The following RANBP17 variants were observed in gnomAD, a reference collection of about 807,000 sequenced individuals.
RANBP17 encodes RAN binding protein 17.
A neutral mutation model predicts 141.2 loss-of-function variants in RANBP17; 158 were observed. The observed-to-expected ratio is 1.12, with a 90% CI of 0.98 to 1.28. RANBP17 has a LOEUF of 1.28. Ranked by LOEUF, RANBP17 falls within the 50% of genes most tolerant of loss-of-function variation. The pLI is 0.00. For synonymous variants in RANBP17, 430 were observed against 450.0 expected (o/e 0.96, Z 0.56); for missense variants, 1,438 against 1,290.7 (o/e 1.11, Z -1.75).
intron 16 of RANBP17, among the ~76,000 whole-genome samples, chr5:171,178,101 ATGG>A (rs1415350846): frequency 6.6e-6 from 1 of 151,322 alleles, no homozygotes; most frequent in African/African-American, 2.4e-5. Flanking sequence ...TACACATGCC[ATGG>A]TGGTTTGCTG....
chr5:171,152,137 A>G (rs757287839), intron 14 of RANBP17, among the ~76,000 whole-genome samples: 3 of 152,038 alleles, frequency 2.0e-5, no homozygotes, highest in African/African-American at 7.2e-5. Flanking sequence ...AGCTGGGCAC[A>G]GTAGCTCACT....
chr5:170,876,970 T>A (rs1768230868), intron 1 of RANBP17, among the ~76,000 whole-genome samples: 1 of 152,198 alleles, frequency 6.6e-6, no homozygotes, highest in South Asian at 2.1e-4. Context: ...GTGAGGTAAT[T>A]TGTTTTCAGA....
Position 170,968,235 on chromosome 5 carries a change from C to A in RANBP17, c.1575-7C>A. ...GAAGGTTTTTTTTTTATTTTCCCTT[C>A]ATGAAGAGTTTTTCAGCTTATATCT... On this transcript the variant is annotated splice_polypyrimidine_tract_variant and splice_region_variant and intron_variant, in intron 13 of 27. Coordinates refer to ENST00000523189, the MANE Select transcript of RANBP17 (RefSeq NM_022897.5). The A allele has an allele frequency of 6.5e-7, 1 of 1,539,964 alleles. No individual in the cohort carries two copies. The highest frequency in any genetic ancestry group is 8.7e-7 in the Non-Finnish European group (1 of 1,152,512).
At chr5:170,887,952 A>G (rs1769295244) in intron 3 of RANBP17, among the ~76,000 whole-genome samples, 1 of 152,222 alleles carries the variant, frequency 6.6e-6, no homozygotes, top group Admixed American at 6.5e-5. Context: ...CTCATCTCTT[A>G]AAGATCCTGC....
chr5:171,243,016 C>G, intron 24 of RANBP17, 196 bp downstream of exon 24: 2 of 589,830 alleles, frequency 3.4e-6, no homozygotes, highest in Non-Finnish European at 5.9e-6. Context: ...ATGTTTTAAT[C>G]AGCTTTACTG....
chr5:171,066,577 A>T (rs796367016), intron 14 of RANBP17, among the ~76,000 whole-genome samples: 21 of 152,274 alleles, frequency 1.4e-4, no homozygotes, highest in African/African-American at 5.1e-4. Flanking sequence ...CTGTTGTTGG[A>T]CACTTAGGTT....
rs531701058 is a variant in RANBP17, at chr5:170,997,653, G to A, written c.1710+29276G>A. Among the ~76,000 whole-genome samples, 23 of 152,238 alleles carry A rather than the reference G, an allele frequency of 1.5e-4. 1 individual carries two copies. Among genetic ancestry groups the A allele is most frequent in the South Asian group, 1.5e-3 (7 of 4,824 alleles). On this transcript the variant is annotated intron_variant, in intron 14 of 27. Transcript: ENST00000523189. ...TGTAATTCCAAACTGTTAGAAAAGC[G>A]TATACTAATCCAGTATTTCTGTTTA...
At chr5:170,993,296 T>C (rs781779945) in intron 14 of RANBP17, among the ~76,000 whole-genome samples, 4 of 152,108 alleles carry the variant, frequency 2.6e-5, no homozygotes, top group Non-Finnish European at 4.4e-5. Flanking sequence ...CTAATGACTT[T>C]TCAGAAAACT....
intron 25 of RANBP17, among the ~76,000 whole-genome samples, chr5:171,282,874 A>T (rs538547784): frequency 1.3e-5 from 2 of 152,058 alleles, no homozygotes; most frequent in Non-Finnish European, 2.9e-5. Flanking sequence ...TCACTACCAC[A>T]TCACTGCCAG....
rs189179096 is a variant in RANBP17, at chr5:171,237,456, G to A, written c.2423-3472G>A. Among the ~76,000 whole-genome samples the A allele has an allele frequency of 8.9e-4, 136 of 152,170 alleles. 1 individual carries two copies. Among genetic ancestry groups the A allele is most frequent in the East Asian group, 1.9e-4 (1 of 5,176 alleles). On this transcript the variant is annotated intron_variant, in intron 22 of 27. Transcript: ENST00000523189. ...CCTCCATTCCCCGTTATTGCCTTTG[G>A]CCAGGTTAATCATTCAATTCACAGT...
At chr5:171,016,193 T>G (rs1780415095) in intron 14 of RANBP17, among the ~76,000 whole-genome samples, 1 of 151,284 alleles carries the variant, frequency 6.6e-6, no homozygotes, top group Non-Finnish European at 1.5e-5. Context: ...TTTTTTTTTT[T>G]GCTTGACTCC....
intron 25 of RANBP17, among the ~76,000 whole-genome samples, chr5:171,280,424 T>A (rs1234600201): frequency 6.6e-6 from 1 of 152,158 alleles, no homozygotes; most frequent in Non-Finnish European, 1.5e-5. Flanking sequence ...ATTACAGTTG[T>A]GCATCACCAC....
At chr5:171,239,328 C>T (rs1028079443) in intron 22 of RANBP17, among the ~76,000 whole-genome samples, 1 of 152,122 alleles carries the variant, frequency 6.6e-6, no homozygotes, top group Non-Finnish European at 1.5e-5. Flanking sequence ...AAGAGGGAAC[C>T]TTTACCCTGT....
intron 14 of RANBP17, among the ~76,000 whole-genome samples, chr5:171,082,216 A>G (rs572143100): frequency 1.3e-5 from 2 of 152,222 alleles, no homozygotes; most frequent in South Asian, 4.1e-4. Flanking sequence ...TTTTCATTAA[A>G]ATACACACAC....
At chr5:171,237,704 G>C (rs1764625372) in intron 22 of RANBP17, among the ~76,000 whole-genome samples, 1 of 152,166 alleles carries the variant, frequency 6.6e-6, no homozygotes, top group South Asian at 2.1e-4. Flanking sequence ...GCTGTTACTG[G>C]TTTTAGTAGC....
chr5:171,006,664 G>A (rs902709300), intron 14 of RANBP17, among the ~76,000 whole-genome samples: 2 of 151,552 alleles, frequency 1.3e-5, no homozygotes, highest in African/African-American at 2.4e-5. Flanking sequence ...GTTAATGGGT[G>A]CAGCACACCA....
chr5:171,254,333 A>C (rs1466128356), intron 24 of RANBP17, among the ~76,000 whole-genome samples: 1 of 152,090 alleles, frequency 6.6e-6, no homozygotes, highest in Non-Finnish European at 1.5e-5. Context: ...TAGAATTCTT[A>C]AGTATTCTAA....
chr5:171,263,064 C>A (rs1011975235), intron 24 of RANBP17, among the ~76,000 whole-genome samples: 2 of 152,186 alleles, frequency 1.3e-5, no homozygotes, highest in Non-Finnish European at 2.9e-5. Flanking sequence ...CTTAAGACTT[C>A]TAAGAAAACT....
chr5:171,065,859 GTTTATT>G (rs1784281225), intron 14 of RANBP17, among the ~76,000 whole-genome samples: 1 of 151,220 alleles, frequency 6.6e-6, no homozygotes, highest in Admixed American at 6.6e-5. Flanking sequence ...CTATTCTTGT[GTTTATT>G]TTTATTATTT....
Sources: gnomAD v4.1 joint callset for allele counts (sites outside exome capture counted in the v4.1 genomes callset) on GRCh38, gnomAD v4.1.1 for gene constraint, MANE v1.5 for transcripts, NCBI Gene and HGNC (gene_info 2026-07-23, HGNC 2026-07-21) for gene names.